The following CTNNA2 variants were observed in gnomAD, a reference collection of about 807,000 sequenced individuals.
The protein encoded by CTNNA2 is catenin alpha-2.
In CTNNA2, 42 loss-of-function variants were observed where a neutral mutation model predicts 101.0. That is an observed-to-expected ratio of 0.42 (90% CI 0.32 to 0.54). The LOEUF is 0.54. Among genes scored for constraint, CTNNA2 ranks in the 20% least tolerant of loss-of-function variants. CTNNA2 has a pLI of 0.14. For synonymous variants in CTNNA2, 450 were observed against 456.4 expected (o/e 0.99, Z 0.18); for missense variants, 871 against 1,223.1 (o/e 0.71, Z 4.29).
At chr2:79,269,962 A>C (rs562051383) in intron 2 of CTNNA2, among the ~76,000 whole-genome samples, 5 of 152,228 alleles carry the variant, frequency 3.3e-5, no homozygotes, top group African/African-American at 1.2e-4. Context: ...CAGGATGGCC[A>C]CTGGTGGCTG....
At chr2:80,084,172 C>G (rs565704092) in intron 7 of CTNNA2, among the ~76,000 whole-genome samples, 1 of 152,186 alleles carries the variant, frequency 6.6e-6, no homozygotes, top group South Asian at 2.1e-4. Flanking sequence ...AGGAGCAACT[C>G]AGAAAGGAGT....
At chr2:79,993,013 G>T (rs1692289851) in intron 7 of CTNNA2, among the ~76,000 whole-genome samples, 1 of 150,996 alleles carries the variant, frequency 6.6e-6, no homozygotes, top group Admixed American at 6.6e-5. Context: ...CTCTTTCTGG[G>T]TTCTTTGATT....
chr2:80,140,799 C>G (rs538810281), intron 7 of CTNNA2, among the ~76,000 whole-genome samples: 2 of 152,160 alleles, frequency 1.3e-5, no homozygotes, highest in African/African-American at 4.8e-5. Context: ...TCTCCCAATC[C>G]CAGCAAAAGC....
At position 79,606,697 on chromosome 2, in the gene CTNNA2, A is replaced by G. The variant is rs574454263; in HGVS notation, c.-5-44855A>G. ...GTCAGTGCCCTATTTTAAGATTCCT[A>G]TCTTACAAAGTGGTATAGTATCACT... On this transcript the variant is annotated intron_variant, in intron 1 of 18. Coordinates refer to ENST00000402739, the MANE Select transcript of CTNNA2 (RefSeq NM_001282597.3). Among the ~76,000 whole-genome samples, 579 of 152,344 alleles carry G rather than the reference A, an allele frequency of 3.8e-3. 2 individuals are homozygous for G. The highest frequency in any genetic ancestry group is 7.3e-3 in the Non-Finnish European group (499 of 68,028).
chr2:79,212,239 C>A (rs1015473996), intron 2 of CTNNA2, among the ~76,000 whole-genome samples: 4 of 151,950 alleles, frequency 2.6e-5, no homozygotes, highest in African/African-American at 9.7e-5. Flanking sequence ...AAGAGCAGGG[C>A]ATGTATGAGT....
At chr2:79,707,445 C>T (rs187921103) in intron 2 of CTNNA2, among the ~76,000 whole-genome samples, 20 of 152,312 alleles carry the variant, frequency 1.3e-4, no homozygotes, top group African/African-American at 3.8e-4. Context: ...TCACCCACCT[C>T]GCTAGGAAAG....
intron 1 of CTNNA2, among the ~76,000 whole-genome samples, chr2:79,608,044 TAGAA>T (rs1678016089): frequency 6.6e-6 from 1 of 151,784 alleles, no homozygotes; most frequent in Non-Finnish European, 1.5e-5. Flanking sequence ...GGGCGAAAAG[TAGAA>T]AGATTCAAAT....
At chr2:79,753,905 G>C (rs1362879626) in intron 3 of CTNNA2, among the ~76,000 whole-genome samples, 1 of 122,808 alleles carries the variant, frequency 8.1e-6, no homozygotes, top group Non-Finnish European at 1.6e-5. Flanking sequence ...GTCTTGCTCT[G>C]TCACCCAGGT....
chr2:79,493,091 G>A (rs914629065), intron 4 of CTNNA2, among the ~76,000 whole-genome samples: 1 of 152,088 alleles, frequency 6.6e-6, no homozygotes. Context: ...AAAAACTCCA[G>A]GGTTAAGCCT....
At chr2:80,206,589 C>T (rs550296721) in intron 7 of CTNNA2, among the ~76,000 whole-genome samples, 123 of 152,080 alleles carry the variant, frequency 8.1e-4, no homozygotes, top group Non-Finnish European at 1.4e-3. Flanking sequence ...ACATATAGTG[C>T]GGGCAGGGAG....
rs189271394 is a variant in CTNNA2, at chr2:80,092,927, T to A, written c.1056+183130T>A. Among the ~76,000 whole-genome samples the A allele has an allele frequency of 1.5e-3, 233 of 152,246 alleles. No individual in the cohort carries two copies. The Middle Eastern group carries it at 0.024, about 16-fold the overall frequency. On this transcript the variant is annotated intron_variant, in intron 7 of 18. Transcript: ENST00000402739. ...TATACATGCATATTTTATAAACAAT[T>A]TAAAATGCTAACATGAAGATAAGGA...
intron 7 of CTNNA2, among the ~76,000 whole-genome samples, chr2:80,133,491 G>T (rs897072925): frequency 6.6e-6 from 1 of 152,070 alleles, no homozygotes; most frequent in Non-Finnish European, 1.5e-5. Flanking sequence ...ATTCAAAAAA[G>T]AAGTGAAAAA....
chr2:80,575,698 A>T (rs1694982868), intron 13 of CTNNA2, among the ~76,000 whole-genome samples: 1 of 152,100 alleles, frequency 6.6e-6, no homozygotes, highest in South Asian at 2.1e-4. Context: ...TGGCCTTCAC[A>T]TGTTTGTCAC....
At chr2:80,243,896 C>T (rs1671130229) in intron 7 of CTNNA2, among the ~76,000 whole-genome samples, 1 of 152,220 alleles carries the variant, frequency 6.6e-6, no homozygotes, top group African/African-American at 2.4e-5. Flanking sequence ...TATATTCCCA[C>T]TGACTGAGAG....
chr2:79,742,867 C>T (rs13404368), intron 2 of CTNNA2, among the ~76,000 whole-genome samples: 5,697 of 152,226 alleles, frequency 0.037, 312 homozygotes, highest in African/African-American at 0.12. Context: ...TAAAACAGCT[C>T]CCAACCCTGC....
intron 7 of CTNNA2, among the ~76,000 whole-genome samples, chr2:80,131,619 G>T (rs942392852): frequency 6.6e-6 from 1 of 152,134 alleles, no homozygotes; most frequent in Admixed American, 6.5e-5. Context: ...CAGGTAGGGG[G>T]TAGAATCTTC....
At chr2:79,467,102 C>T (rs764318595) in intron 4 of CTNNA2, among the ~76,000 whole-genome samples, 15 of 152,072 alleles carry the variant, frequency 9.9e-5, no homozygotes, top group Non-Finnish European at 2.2e-4. Flanking sequence ...AATTTCAAAC[C>T]CATCGTAAAG....
chr2:79,333,684 A>G (rs1573088515), intron 3 of CTNNA2, among the ~76,000 whole-genome samples: 1 of 152,126 alleles, frequency 6.6e-6, no homozygotes, highest in South Asian at 2.1e-4. Flanking sequence ...AAAATGAAGA[A>G]CTCAAATATA....
rs556050458 is a variant in CTNNA2, at chr2:79,614,621, CAT to C, written c.-5-36930_-5-36929del. On this transcript the variant is annotated intron_variant, in intron 1 of 18. Transcript: ENST00000402739. ...TAAGTACTACAGTGTCAAAATGTCA[CAT>C]GATTCAGAAAATAAAATGATATTCT... Among the ~76,000 whole-genome samples, 322 of 152,268 alleles carry C rather than the reference CAT, an allele frequency of 2.1e-3. 1 individual carries two copies. The highest frequency in any genetic ancestry group is 5.3e-3 in the African/African-American group (220 of 41,582).
Sources: gnomAD v4.1 joint callset for allele counts (sites outside exome capture counted in the v4.1 genomes callset) on GRCh38, gnomAD v4.1.1 for gene constraint, MANE v1.5 for transcripts, NCBI Gene and HGNC (gene_info 2026-07-23, HGNC 2026-07-21) for gene names.